ADRA1D: variants seen among roughly 807,000 people sequenced by gnomAD.
ADRA1D encodes the protein adrenoceptor alpha 1D.
In ADRA1D, 22 loss-of-function variants were observed where a neutral mutation model predicts 18.6. The ratio of observed to expected loss-of-function variants is 1.19; its 90% CI spans 0.85 to 1.69. The LOEUF is 1.69. Ranked by LOEUF, ADRA1D falls within the 40% of genes most tolerant of loss-of-function variation. The pLI, the probability that ADRA1D is intolerant of heterozygous loss-of-function variation, is 0.00. For missense variants in ADRA1D, 840 were observed against 840.7 expected, an observed-to-expected ratio of 1.00 and a Z score of 0.01; for synonymous variants, 376 against 388.2, an observed-to-expected ratio of 0.97 and a Z score of 0.37.
rs770973888 is a variant in ADRA1D at position 4,247,989 on chromosome 20, G to T, written c.969C>A (p.Ser323Arg). ...TGADGAHGMRSAKGHTFRSSL... is the reference protein window; with the variant it reads ...TGADGAHGMRRAKGHTFRSSL... ...AGCTGCGGAAGGTGTGGCCCTTGGC[G>T]CTGCGCATGCCGTGCGCCCCGTCGG... Residue 323 changes from serine to arginine, a missense_variant, in exon 1 of 2, where the codon AGC (serine) becomes AGA (arginine). Coordinates refer to ENST00000379453, the MANE Select transcript of ADRA1D (RefSeq NM_000678.4). The T allele has an allele frequency of 6.4e-7, 1 of 1,570,794 alleles. No homozygotes were observed. Among genetic ancestry groups the T allele is most frequent in the Non-Finnish European group, 8.6e-7 (1 of 1,159,104 alleles).
At chr20:4,225,007 T>G (rs1980762037) in intron 1 of ADRA1D, among the ~76,000 whole-genome samples, 1 of 150,200 alleles carries the variant, frequency 6.7e-6, no homozygotes, top group Non-Finnish European at 1.5e-5. Context: ...TTTTTTTTTT[T>G]TTTTTTTTTA....
chr20:4,229,036 G>C (rs1229312069), intron 1 of ADRA1D, among the ~76,000 whole-genome samples: 1 of 152,136 alleles, frequency 6.6e-6, no homozygotes, highest in African/African-American at 2.4e-5. Flanking sequence ...CTCATCTGTG[G>C]CTTCCCGGAT....
chr20:4,248,918 G>T lies in ADRA1D; in HGVS notation c.40C>A (p.Pro14Thr). 1 of 1,340,514 alleles carries T rather than the reference G, an allele frequency of 7.5e-7. No individual in the cohort carries two copies. The highest frequency in any genetic ancestry group is 1.4e-5 in the South Asian group (1 of 69,184). 83.0% of individuals were successfully genotyped at this position (1,340,514 alleles called of 1,614,324 possible). A position where few individuals can be genotyped will look rare whatever the true frequency, so the allele number is the denominator to read the frequency against. The part of the protein sequence containing the change: ...RDLLSVSFEG[P>T]RPDSSAGGSS... ...CCCCCTGCGCTGCTGTCCGGGCGGG[G>T]TCCCTCGAAACTGACGCTCAGGAGA... is the stretch of plus-strand genomic sequence containing the variant. Residue 14 changes from proline to threonine, a missense_variant, in exon 1 of 2, where the codon CCC becomes ACC. Physicochemically the swap from Pro to Thr is conservative, Grantham distance 38. Transcript: ENST00000379453.
chr20:4,241,577 G>A lies in ADRA1D; in HGVS notation c.1111+6270C>T, dbSNP rs140820745. Among the ~76,000 whole-genome samples the A allele has an allele frequency of 3.0e-3, 454 of 152,246 alleles. 4 individuals carry two copies. The highest frequency in any genetic ancestry group is 2.5e-3 in the Non-Finnish European group (173 of 68,012). On this transcript the variant is annotated intron_variant, in intron 1 of 1. Coordinates refer to ENST00000379453, the MANE Select transcript of ADRA1D (RefSeq NM_000678.4). ...CACACATTTACTGAGCACCTATTAT[G>A]TTCCAGGTGCCACAAAGCACAGGTA...
rs755047014 is a variant in ADRA1D, at chr20:4,248,375, A to G, written c.583T>C (p.Tyr195His). The G allele has an allele frequency of 3.1e-6, 5 of 1,608,720 alleles. No homozygotes were observed. The Admixed American group carries it at 5.1e-5, about 16-fold the overall frequency. The change falls in exon 1 of 2, where the codon TAC becomes CAC. Residue 195 changes from tyrosine to histidine, a missense_variant. Tyr to His is a moderately conservative substitution (Grantham distance 83). Coordinates refer to ENST00000379453, the MANE Select transcript of ADRA1D (RefSeq NM_000678.4). Reference sequence around the variant, plus strand: ...TTGAGTGAGTGGCGCACGCCCACGTACCGGTCCACGGAGATGGTGCAGAGG... The same window carrying G: ...TTGAGTGAGTGGCGCACGCCCACGTGCCGGTCCACGGAGATGGTGCAGAGG... ...LSLCTISVDR[Y>H]VGVRHSLKYP...
chr20:4,242,910 C>CCT (rs1436814929), intron 1 of ADRA1D, among the ~76,000 whole-genome samples: 2 of 148,666 alleles, frequency 1.3e-5, no homozygotes, highest in African/African-American at 5.0e-5. Context: ...AGACAGTCCA[C>CCT]CTCTGGGCGT....
intron 1 of ADRA1D, among the ~76,000 whole-genome samples, chr20:4,224,721 G>T (rs550668938): frequency 1.3e-5 from 2 of 148,890 alleles, no homozygotes; most frequent in Non-Finnish European, 1.5e-5. Flanking sequence ...GGGTAGGGGG[G>T]GGTCCTTAAC....
At chr20:4,236,767 G>A (rs925574291) in intron 1 of ADRA1D, among the ~76,000 whole-genome samples, 1 of 152,184 alleles carries the variant, frequency 6.6e-6, no homozygotes, top group Admixed American at 6.5e-5. Context: ...CAGAGCCAGA[G>A]AGGGAGACGT....
chr20:4,224,378 A>G (rs1389718287), intron 1 of ADRA1D, among the ~76,000 whole-genome samples: 1 of 151,738 alleles, frequency 6.6e-6, no homozygotes, highest in African/African-American at 2.4e-5. Context: ...TGCCAGGAAG[A>G]CCCTCCTTTC....
intron 1 of ADRA1D, among the ~76,000 whole-genome samples, chr20:4,232,622 T>G (rs1980997024): frequency 6.6e-6 from 1 of 152,194 alleles, no homozygotes; most frequent in Admixed American, 6.5e-5. Flanking sequence ...TTCAACTCCT[T>G]CAAGTCTTTG....
Position 4,247,889 on chromosome 20 carries a change from A to C in ADRA1D, c.1069T>G (p.Phe357Val). 6.3e-7 allele frequency: 1 copy of C among 1,589,126 alleles called. No homozygotes were observed. Residue 357 changes from phenylalanine (F) to valine (V), a missense_variant, in exon 1 of 2, where the codon TTC becomes GTC. Phe to Val is a conservative substitution (Grantham distance 50). Transcript: ENST00000379453. ...AKTLAIVVGV[F>V]VLCWFPFFFV... ...AAGAAAGGGAACCAGCAGAGCACGA[A>C]GACACCCACGACGATGGCCAGAGTC... is the stretch of plus-strand genomic sequence containing the variant.
rs373378200 is a variant in ADRA1D, at chr20:4,237,907, C to A, written c.1111+9940G>T. On this transcript the variant is annotated intron_variant, in intron 1 of 1. Coordinates refer to ENST00000379453, the MANE Select transcript of ADRA1D (RefSeq NM_000678.4). ...ATGTTGGCTAGGCTGGTCTCGAAATCCTGACCCAAGCCACCGTGCCCAGCC... is the reference window on the plus strand; with the variant it reads ...ATGTTGGCTAGGCTGGTCTCGAAATACTGACCCAAGCCACCGTGCCCAGCC... 7.0e-5 allele frequency among the ~76,000 whole-genome samples: 10 copies of A among 143,380 alleles called. No homozygotes were observed. In the East Asian group the frequency reaches 1.5e-3, roughly 21 times the overall value. 94.1% of individuals were successfully genotyped at this position (143,380 alleles called of 152,430 possible). A position where few individuals can be genotyped will look rare whatever the true frequency, so the allele number is the denominator to read the frequency against.
intron 1 of ADRA1D, among the ~76,000 whole-genome samples, chr20:4,242,674 C>T (rs1286508984): frequency 6.6e-6 from 1 of 152,090 alleles, no homozygotes; most frequent in East Asian, 1.9e-4. Flanking sequence ...AGCCTCTGCC[C>T]AGCTTGTATG....
chr20:4,235,147 C>T (rs750507952), intron 1 of ADRA1D, among the ~76,000 whole-genome samples: 2 of 152,206 alleles, frequency 1.3e-5, no homozygotes, highest in Non-Finnish European at 2.9e-5. Context: ...AGGGTCCTTT[C>T]ACTTGAGATG....
chr20:4,222,972 C>T lies in ADRA1D; in HGVS notation c.1112-842G>A, dbSNP rs1289469803. 2.0e-5 allele frequency among the ~76,000 whole-genome samples: 3 copies of T among 152,022 alleles called. No individual in the cohort carries two copies. The highest frequency in any genetic ancestry group is 1.9e-4 in the East Asian group (1 of 5,200). Reference sequence around the variant, plus strand: ...TCTTTAATTGATAATATGATTCAAACGAACATTAGCCGTCCCCACGGATAT... The same window carrying T: ...TCTTTAATTGATAATATGATTCAAATGAACATTAGCCGTCCCCACGGATAT... On this transcript the variant is annotated intron_variant, in intron 1 of 1. Transcript: ENST00000379453. The surrounding 1 kb of genome is among the most constrained non-coding windows in gnomAD (Gnocchi z 4.3).
At chr20:4,227,055 T>C (rs566425050) in intron 1 of ADRA1D, among the ~76,000 whole-genome samples, 93 of 152,318 alleles carry the variant, frequency 6.1e-4, no homozygotes, top group Non-Finnish European at 1.2e-3. Context: ...TTCCTCTCCG[T>C]GGCATACCAT....
rs369496976 is a variant in ADRA1D at position 4,222,018 on chromosome 20, C to T, written c.1224G>A (p.Glu408=). ...NPLIYPCSSR[E]FKRAFLRLLR... ...GGAGACGGAGGAAGGCGCGCTTGAACTCGCGGCTGGAACAGGGGTAGATGA... is the reference window on the plus strand; with the variant it reads ...GGAGACGGAGGAAGGCGCGCTTGAATTCGCGGCTGGAACAGGGGTAGATGA... The change falls in exon 2 of 2, where the codon GAG becomes GAA. Residue 408 remains glutamate (E), a synonymous_variant. Coordinates refer to ENST00000379453, the MANE Select transcript of ADRA1D (RefSeq NM_000678.4). The surrounding 1 kb of genome is among the most constrained non-coding windows in gnomAD (Gnocchi z 4.3). 1.9e-4 allele frequency: 307 copies of T among 1,604,492 alleles called. 2 individuals are homozygous for T. In the African/African-American group the frequency reaches 3.5e-3, roughly 18 times the overall value.
Position 4,227,704 on chromosome 20 carries a change from C to CTTCCCTTCCTTCCT in ADRA1D, c.1112-5575_1112-5574insAGGAAGGAAGGGAA, listed in dbSNP as rs1555820747. On this transcript the variant is annotated intron_variant, in intron 1 of 1. Transcript: ENST00000379453. Reference sequence around the variant, plus strand: ...CTTCCCTCTCTCCCTCCCTCCCTCCCTCCTTCCTTCCTTCCTTCCTTCCTT... The same window carrying CTTCCCTTCCTTCCT: ...CTTCCCTCTCTCCCTCCCTCCCTCCCTTCCCTTCCTTCCTTCCTTCCTTCCTTCCTTCCTTCCTT... 5.7e-4 allele frequency among the ~76,000 whole-genome samples: 53 copies of CTTCCCTTCCTTCCT among 92,616 alleles called. 1 individual carries two copies. The highest frequency in any genetic ancestry group is 2.3e-3 in the African/African-American group (52 of 22,128). The allele number at this position is 92,616 out of a possible 152,430, so 60.8% of individuals were successfully genotyped here. A position where few individuals can be genotyped will look rare whatever the true frequency, so the allele number is the denominator to read the frequency against.
intron 1 of ADRA1D, among the ~76,000 whole-genome samples, chr20:4,225,706 G>A (rs556377738): frequency 4.6e-5 from 7 of 152,206 alleles, no homozygotes; most frequent in South Asian, 2.1e-4. Context: ...GTGAGCCACC[G>A]TGCCTGGTTT....
Sources: gnomAD v4.1 joint callset for allele counts (sites outside exome capture counted in the v4.1 genomes callset) on GRCh38, gnomAD v4.1.1 for gene constraint, Gnocchi (gnomAD v3.1) non-coding constraint, MANE v1.5 for transcripts, NCBI Gene and HGNC (gene_info 2026-07-23, HGNC 2026-07-21) for gene names.